The following PCDH15 variants were observed in gnomAD, a reference collection of about 807,000 sequenced individuals.
The protein encoded by PCDH15 is protocadherin related 15.
PCDH15 carries 129 observed loss-of-function variants against 178.5 expected under a neutral mutation model. That is an observed-to-expected ratio of 0.72 (90% CI 0.63 to 0.84). The LOEUF is 0.84. PCDH15 is among the 40% of genes least tolerant of loss of function. PCDH15 has a pLI of 0.00. For missense variants in PCDH15, 2,230 were observed against 2,099.9 expected, an observed-to-expected ratio of 1.06 and a Z score of -1.21; for synonymous variants, 800 against 732.0, an observed-to-expected ratio of 1.09 and a Z score of -1.50.
intron 2 of PCDH15, among the ~76,000 whole-genome samples, chr10:54,946,672 T>A (rs1838206966): frequency 6.6e-6 from 1 of 151,862 alleles, no homozygotes; most frequent in Non-Finnish European, 1.5e-5. Context: ...GAAATAAATT[T>A]GAAGAATCCG....
intron 2 of PCDH15, among the ~76,000 whole-genome samples, chr10:55,438,880 A>G (rs1464147755): frequency 1.3e-5 from 2 of 150,700 alleles, no homozygotes; most frequent in Non-Finnish European, 3.0e-5. Context: ...AATACTAATT[A>G]TTATTATTAA....
intron 2 of PCDH15, among the ~76,000 whole-genome samples, chr10:55,417,872 T>C (rs954316708): frequency 1.3e-5 from 2 of 151,662 alleles, no homozygotes; most frequent in Non-Finnish European, 3.0e-5. Flanking sequence ...ATGCATCTTA[T>C]TGTTTTTAAC....
chr10:55,011,399 G>C (rs1378034369), intron 2 of PCDH15, among the ~76,000 whole-genome samples: 16 of 152,074 alleles, frequency 1.1e-4, no homozygotes, highest in Admixed American at 1.0e-3. Context: ...CATTTATAAT[G>C]TCAAATATAC....
intron 2 of PCDH15, among the ~76,000 whole-genome samples, chr10:54,899,823 T>C (rs1484645958): frequency 6.7e-6 from 1 of 149,170 alleles, no homozygotes; most frequent in Non-Finnish European, 1.5e-5. Flanking sequence ...TTTGTATTAC[T>C]CTTATAACTT....
intron 2 of PCDH15, among the ~76,000 whole-genome samples, chr10:55,350,731 A>G (rs1464917918): frequency 1.3e-5 from 2 of 152,108 alleles, no homozygotes; most frequent in Non-Finnish European, 2.9e-5. Context: ...CTAAATAGGA[A>G]AATTTTCTGA....
At chr10:54,352,824 T>G (rs1448425905) in intron 5 of PCDH15, among the ~76,000 whole-genome samples, 2 of 152,148 alleles carry the variant, frequency 1.3e-5, no homozygotes, top group African/African-American at 4.8e-5. Flanking sequence ...TTATCATTAC[T>G]AGTGAAACTG....
At chr10:54,252,190 C>T (rs2056535086) in intron 8 of PCDH15, among the ~76,000 whole-genome samples, 2 of 152,100 alleles carry the variant, frequency 1.3e-5, no homozygotes, top group South Asian at 4.1e-4. Flanking sequence ...TGGCAAAAAT[C>T]GTACTTAGAC....
intron 2 of PCDH15, among the ~76,000 whole-genome samples, chr10:54,963,920 T>C (rs537530829): frequency 2.6e-4 from 39 of 152,226 alleles, no homozygotes; most frequent in African/African-American, 8.7e-4. Flanking sequence ...GCTGAGACAA[T>C]GGTGATGGGA....
chr10:55,379,639 A>G (rs1419396731), intron 2 of PCDH15, among the ~76,000 whole-genome samples: 1 of 152,050 alleles, frequency 6.6e-6, no homozygotes, highest in Non-Finnish European at 1.5e-5. Context: ...ATACTTATTT[A>G]CAAACCCAGG....
chr10:54,511,589 A>G (rs1020379393), intron 3 of PCDH15, among the ~76,000 whole-genome samples: 7 of 152,176 alleles, frequency 4.6e-5, no homozygotes, highest in Admixed American at 2.0e-4. Context: ...TTTATGTGAT[A>G]TATCATACGG....
intron 2 of PCDH15, among the ~76,000 whole-genome samples, chr10:55,368,739 A>G (rs1845424478): frequency 6.6e-6 from 1 of 152,074 alleles, no homozygotes; most frequent in Non-Finnish European, 1.5e-5. Context: ...TACTTTTTCC[A>G]TTGCTACGAA....
intron 1 of PCDH15, among the ~76,000 whole-genome samples, chr10:55,282,915 G>T (rs1466585299): frequency 6.6e-6 from 1 of 152,098 alleles, no homozygotes; most frequent in African/African-American, 2.4e-5. Context: ...GTTCATTCCT[G>T]GGTTTAGGCC....
At chr10:54,933,247 T>C (rs1248680277) in intron 2 of PCDH15, among the ~76,000 whole-genome samples, 1 of 152,198 alleles carries the variant, frequency 6.6e-6, no homozygotes, top group Admixed American at 6.5e-5. Context: ...CAGTGTTTCA[T>C]GATTGTGATT....
chr10:55,318,311 T>A (rs1417643327), intron 1 of PCDH15, among the ~76,000 whole-genome samples: 1 of 151,956 alleles, frequency 6.6e-6, no homozygotes, highest in East Asian at 1.9e-4. Context: ...ACAAATAATA[T>A]CTGAATAACT....
chr10:54,945,352 G>GATAT (rs57400105), intron 2 of PCDH15, among the ~76,000 whole-genome samples: 10,139 of 109,258 alleles, frequency 0.093, 390 homozygotes, highest in Middle Eastern at 0.12. Flanking sequence ...ATAGATAGAT[G>GATAT]ATAGATAGAT....
intron 18 of PCDH15, among the ~76,000 whole-genome samples, chr10:54,054,954 C>A (rs2093853917): frequency 6.6e-6 from 1 of 152,084 alleles, no homozygotes; most frequent in African/African-American, 2.4e-5. Context: ...GAGTGTCATA[C>A]TGAGCTACAA....
chr10:53,809,096 C>T, intron 37 of PCDH15: 1 of 1,613,896 alleles, frequency 6.2e-7, no homozygotes, highest in South Asian at 1.1e-5. Flanking sequence ...GCTTTTTCTC[C>T]TTCTGACTCT....
At chr10:55,414,772 T>G (rs1252829779) in intron 2 of PCDH15, among the ~76,000 whole-genome samples, 3 of 12,116 alleles carry the variant, frequency 2.5e-4, no homozygotes, top group African/African-American at 4.1e-4. Context: ...TAACAAGGGG[T>G]GTGTGTGTGT....
At chr10:54,102,631 T>C (rs1360882224) in intron 15 of PCDH15, among the ~76,000 whole-genome samples, 8 of 152,160 alleles carry the variant, frequency 5.3e-5, no homozygotes, top group Admixed American at 5.2e-4. Flanking sequence ...CTGTTTTTGA[T>C]TTACTATTTT....
Sources: gnomAD v4.1 joint callset for allele counts (sites outside exome capture counted in the v4.1 genomes callset) on GRCh38, gnomAD v4.1.1 for gene constraint, MANE v1.5 for transcripts, NCBI Gene and HGNC (gene_info 2026-07-23, HGNC 2026-07-21) for gene names.